TCF3: variants seen among roughly 807,000 people sequenced by gnomAD.
TCF3 encodes the protein transcription factor E2-alpha.
In TCF3, 54 loss-of-function variants were observed where a neutral mutation model predicts 72.3. That is an observed-to-expected ratio of 0.75 (90% CI 0.60 to 0.94). TCF3 has a LOEUF of 0.94. Among genes scored for constraint, TCF3 ranks in the 40% least tolerant of loss-of-function variants. TCF3 has a pLI of 0.00. For synonymous variants in TCF3, 525 were observed against 412.6 expected (o/e 1.27, Z -3.30); for missense variants, 1,078 against 934.4 (o/e 1.15, Z -2.00).
intron 13 of TCF3, among the ~76,000 whole-genome samples, chr19:1,620,429 C>T (rs1047960781): frequency 1.3e-5 from 2 of 152,194 alleles, no homozygotes; most frequent in African/African-American, 2.4e-5. Flanking sequence ...GCCGGAGCAC[C>T]GCACAGGGTA....
rs907373267 is a variant in TCF3, at chr19:1,618,774, T to C, written c.1450+337A>G. Among the ~76,000 whole-genome samples, 3 of 152,202 alleles carry C rather than the reference T, an allele frequency of 2.0e-5. No homozygotes were observed. In the East Asian group the frequency reaches 5.8e-4, roughly 29 times the overall value. On this transcript the variant is annotated intron_variant, in intron 16 of 18. Transcript: ENST00000262965. ...CTTCGTTCCTTCTCCCTGGCACCTGTACTGTGCAGCGAGCTCCTGGTCTGT... is the reference window on the plus strand; with the variant it reads ...CTTCGTTCCTTCTCCCTGGCACCTGCACTGTGCAGCGAGCTCCTGGTCTGT...
intron 7 of TCF3, among the ~76,000 whole-genome samples, chr19:1,624,415 G>GCAA (rs978945712): frequency 6.6e-6 from 1 of 152,178 alleles, no homozygotes; most frequent in Non-Finnish European, 1.5e-5. Flanking sequence ...AGCAGCAGCA[G>GCAA]CAACAACAAC....
intron 3 of TCF3, among the ~76,000 whole-genome samples, chr19:1,632,723 C>T (rs1229076205): frequency 6.6e-6 from 1 of 152,200 alleles, no homozygotes; most frequent in East Asian, 1.9e-4. Context: ...TCACGCCGAG[C>T]CTCCTCCCCA....
At chr19:1,632,433 G>T (rs1040718789) in intron 3 of TCF3, 28 bp from the exon 4 acceptor site, 4 of 1,570,696 alleles carry the variant, frequency 2.5e-6, no homozygotes, top group African/African-American at 2.7e-5. Context: ...AGAGTTATGG[G>T]TCACCCTCAC....
intron 18 of TCF3, chr19:1,612,164 G>C: frequency 6.6e-7 from 1 of 1,526,702 alleles, no homozygotes; most frequent in Non-Finnish European, 8.8e-7. Context: ...CTGGGTGTGG[G>C]GAAGGGAGAG....
intron 11 of TCF3, 37 bp downstream of exon 11, chr19:1,621,800 TC>T: frequency 6.5e-7 from 1 of 1,535,496 alleles, no homozygotes; most frequent in Non-Finnish European, 8.8e-7. Flanking sequence ...GAGCCCAGTG[TC>T]CCCTCGGAGA....
At chr19:1,638,219 C>T (rs1322810485) in intron 3 of TCF3, among the ~76,000 whole-genome samples, 3 of 152,196 alleles carry the variant, frequency 2.0e-5, no homozygotes, top group Admixed American at 1.3e-4. Context: ...CTACATTACC[C>T]CTACCCTACA....
chr19:1,619,548 G>C, intron 14 of TCF3, 74 bp from the exon 15 acceptor site: 3 of 1,501,156 alleles, frequency 2.0e-6, no homozygotes, highest in Non-Finnish European at 2.7e-6. Flanking sequence ...TGTCCCTTCC[G>C]CATGCAAGTG....
intron 7 of TCF3, among the ~76,000 whole-genome samples, chr19:1,625,037 G>C (rs1182110299): frequency 6.6e-6 from 1 of 152,168 alleles, no homozygotes; most frequent in African/African-American, 2.4e-5. Flanking sequence ...CGCAAAGATG[G>C]GATCTCCCTA....
chr19:1,616,913 G>A (rs1227862329), intron 16 of TCF3, among the ~76,000 whole-genome samples: 1 of 152,210 alleles, frequency 6.6e-6, no homozygotes, highest in Non-Finnish European at 1.5e-5. Context: ...AGCCAACCAG[G>A]AGGTGATCTC....
chr19:1,633,093 G>T (rs2063917339), intron 3 of TCF3, among the ~76,000 whole-genome samples: 1 of 151,982 alleles, frequency 6.6e-6, no homozygotes, highest in African/African-American at 2.4e-5. Flanking sequence ...TGGTCCCGGG[G>T]CGGGGCGGGC....
chr19:1,642,679 G>A (rs1279327695), intron 3 of TCF3, among the ~76,000 whole-genome samples: 7 of 152,118 alleles, frequency 4.6e-5, no homozygotes, highest in Admixed American at 2.6e-4. Context: ...CACCACGTTG[G>A]CCAGGCTGGT....
intron 3 of TCF3, among the ~76,000 whole-genome samples, chr19:1,639,291 G>C (rs2064899022): frequency 6.6e-6 from 1 of 152,208 alleles, no homozygotes; most frequent in Non-Finnish European, 1.5e-5. Context: ...AGATCCACCT[G>C]CCTTGGCCTC....
intron 3 of TCF3, among the ~76,000 whole-genome samples, chr19:1,635,759 G>A (rs1231281685): frequency 6.6e-6 from 1 of 152,208 alleles, no homozygotes; most frequent in African/African-American, 2.4e-5. Flanking sequence ...ATTTAAAAAT[G>A]TGTATATGGC....
At chr19:1,642,882 T>TA (rs1262821526) in intron 3 of TCF3, among the ~76,000 whole-genome samples, 1 of 152,188 alleles carries the variant, frequency 6.6e-6, no homozygotes, top group Non-Finnish European at 1.5e-5. Flanking sequence ...GGTTTCCTCT[T>TA]AAAGCAGAAC....
intron 16 of TCF3, among the ~76,000 whole-genome samples, chr19:1,617,154 G>C (rs1317291453): frequency 6.6e-6 from 1 of 152,214 alleles, no homozygotes; most frequent in Non-Finnish European, 1.5e-5. Context: ...CTTGCCTGTG[G>C]GAGGGCAACT....
At chr19:1,647,094 G>A (rs1220655131) in intron 2 of TCF3, among the ~76,000 whole-genome samples, 2 of 152,202 alleles carry the variant, frequency 1.3e-5, no homozygotes, top group Non-Finnish European at 2.9e-5. Flanking sequence ...TGGAGGGGCT[G>A]GGGAGAGGCT....
chr19:1,645,315 C>T (rs557952841), intron 3 of TCF3, among the ~76,000 whole-genome samples: 19 of 152,204 alleles, frequency 1.2e-4, no homozygotes, highest in African/African-American at 4.1e-4. Flanking sequence ...CAAAGAGACC[C>T]GTGGCTCTGA....
intron 11 of TCF3, 82 bp downstream of exon 11, chr19:1,621,756 G>A: frequency 6.9e-7 from 1 of 1,452,824 alleles, no homozygotes; most frequent in Non-Finnish European, 9.1e-7. Context: ...GCCTCCCGTG[G>A]AGTCCTCGCC....
Sources: gnomAD v4.1 joint callset for allele counts (sites outside exome capture counted in the v4.1 genomes callset) on GRCh38, gnomAD v4.1.1 for gene constraint, MANE v1.5 for transcripts, NCBI Gene and HGNC (gene_info 2026-07-23, HGNC 2026-07-21) for gene names.